Variants in ERO1A observed in about 807,000 individuals in gnomAD.
The protein encoded by ERO1A is ERO1-like protein alpha.
ERO1A carries 49 observed loss-of-function variants against 76.9 expected under a neutral mutation model. The observed-to-expected ratio is 0.64, with a 90% CI of 0.51 to 0.81. The LOEUF is 0.81. Ranked by LOEUF, ERO1A falls within the 30% of genes least tolerant of loss-of-function variation. The pLI is 0.00. For missense variants in ERO1A, 448 were observed against 542.1 expected (o/e 0.83, Z 1.72); for synonymous variants, 174 against 181.2 (o/e 0.96, Z 0.32).
chr14:52,643,863 T>G (rs1485656043), intron 15 of ERO1A, among the ~76,000 whole-genome samples: 1 of 152,180 alleles, frequency 6.6e-6, no homozygotes, highest in Non-Finnish European at 1.5e-5. Context: ...ATATGCCAGG[T>G]GCAGTGATTC....
intron 2 of ERO1A, 89 bp from the exon 3 acceptor site, chr14:52,682,497 C>A: frequency 1.0e-6 from 1 of 970,684 alleles, no homozygotes; most frequent in Non-Finnish European, 1.6e-6. Context: ...ATAACTTGGT[C>A]ATGTTATCAG....
In ERO1A at chr14:52,671,714, A is replaced by C; in HGVS notation, c.435-11T>G. ...TTCTGTGTTTCCTCACTTCAAACAA[A>C]GAAAAAAAATAACATTATTATTTTT... On this transcript the variant is annotated splice_polypyrimidine_tract_variant and intron_variant, in intron 5 of 15. Transcript: ENST00000395686. The C allele has an allele frequency of 6.3e-7, 1 of 1,595,122 alleles. No individual in the cohort carries two copies. Among genetic ancestry groups the C allele is most frequent in the Non-Finnish European group, 8.5e-7 (1 of 1,170,100 alleles).
At chr14:52,688,642 A>G (rs1001777679) in intron 1 of ERO1A, among the ~76,000 whole-genome samples, 2 of 152,236 alleles carry the variant, frequency 1.3e-5, no homozygotes, top group Admixed American at 1.3e-4. Context: ...CCGAATTTGC[A>G]GCTAAAATTT....
intron 1 of ERO1A, among the ~76,000 whole-genome samples, chr14:52,689,795 T>C (rs2041295893): frequency 6.6e-6 from 1 of 152,106 alleles, no homozygotes; most frequent in South Asian, 2.1e-4. Flanking sequence ...TTGTAAAATT[T>C]GGATGGAACA....
intron 11 of ERO1A, among the ~76,000 whole-genome samples, chr14:52,653,965 T>C (rs1233727592): frequency 6.6e-6 from 1 of 151,934 alleles, no homozygotes; most frequent in African/African-American, 2.4e-5. Flanking sequence ...AATTATAGAG[T>C]AAGTGTGTTT....
At chr14:52,659,629 GGCACAGA>G (rs1408164929) in intron 9 of ERO1A, among the ~76,000 whole-genome samples, 2 of 151,928 alleles carry the variant, frequency 1.3e-5, no homozygotes, top group African/African-American at 4.8e-5. Flanking sequence ...AAAAGTGCCT[GGCACAGA>G]GTTATTATTA....
intron 15 of ERO1A, among the ~76,000 whole-genome samples, chr14:52,644,840 T>A (rs999902847): frequency 6.6e-6 from 1 of 152,096 alleles, no homozygotes; most frequent in Non-Finnish European, 1.5e-5. Flanking sequence ...AACAGAATAA[T>A]CAATGAAATA....
intron 11 of ERO1A, among the ~76,000 whole-genome samples, chr14:52,654,688 A>G (rs1254992140): frequency 6.6e-6 from 1 of 152,224 alleles, no homozygotes; most frequent in Non-Finnish European, 1.5e-5. Flanking sequence ...TCATGTGGAG[A>G]TAACATTTTT....
intron 13 of ERO1A, among the ~76,000 whole-genome samples, chr14:52,647,605 T>G (rs946770644): frequency 6.6e-6 from 1 of 152,080 alleles, no homozygotes; most frequent in Non-Finnish European, 1.5e-5. Context: ...CCTAGAATAT[T>G]ATATCATTTA....
intron 1 of ERO1A, among the ~76,000 whole-genome samples, chr14:52,689,248 C>A (rs1422506178): frequency 6.6e-6 from 1 of 152,224 alleles, no homozygotes; most frequent in African/African-American, 2.4e-5. Context: ...GCCACTGCGC[C>A]CGGCCCTCAT....
At chr14:52,667,440 G>C (rs980405713) in intron 6 of ERO1A, among the ~76,000 whole-genome samples, 2 of 152,028 alleles carry the variant, frequency 1.3e-5, no homozygotes, top group African/African-American at 4.8e-5. Context: ...CGGTCCCAGG[G>C]TGGGCACGAT....
intron 1 of ERO1A, among the ~76,000 whole-genome samples, chr14:52,689,775 G>T (rs543510557): frequency 6.6e-6 from 1 of 151,704 alleles, no homozygotes; most frequent in East Asian, 1.9e-4. Context: ...CACAAAAATA[G>T]AAAAAAAAAT....
In ERO1A at chr14:52,642,997, T is replaced by C. The variant is rs1037869374; in HGVS notation, c.*573A>G. The C allele has an allele frequency of 6.6e-6, 1 of 152,578 alleles. No homozygotes were observed. Among genetic ancestry groups the C allele is most frequent in the African/African-American group, 2.4e-5 (1 of 41,466 alleles). 9.5% of individuals were successfully genotyped at this position (152,578 alleles called of 1,614,324 possible). On this transcript the variant is annotated 3_prime_UTR_variant, in exon 16 of 16. Coordinates refer to ENST00000395686, the MANE Select transcript of ERO1A (RefSeq NM_014584.3). ...ATAAAATACAAGACTCCCAGTTAAA[T>C]TTGAATTTCAAACAAATAATTTTTT...
At chr14:52,649,496 T>TA (rs1171787739) in intron 13 of ERO1A, among the ~76,000 whole-genome samples, 3 of 152,314 alleles carry the variant, frequency 2.0e-5, no homozygotes, top group Non-Finnish European at 4.4e-5. Flanking sequence ...AAAATTCTGT[T>TA]ACATCAAGAC....
chr14:52,681,487 C>T (rs2040992522), intron 3 of ERO1A, among the ~76,000 whole-genome samples: 1 of 152,030 alleles, frequency 6.6e-6, no homozygotes, highest in Admixed American at 6.6e-5. Flanking sequence ...CCTGTAATCC[C>T]AGCTACTTGG....
At chr14:52,684,117 T>TCACACACA (rs2041093341) in intron 1 of ERO1A, among the ~76,000 whole-genome samples, 2 of 78,134 alleles carry the variant, frequency 2.6e-5, no homozygotes, top group Admixed American at 1.5e-4. Flanking sequence ...GCAGAGCTCA[T>TCACACACA]GACACACACA....
intron 9 of ERO1A, among the ~76,000 whole-genome samples, chr14:52,660,545 G>T (rs1162669352): frequency 6.6e-6 from 1 of 152,132 alleles, no homozygotes; most frequent in Non-Finnish European, 1.5e-5. Context: ...TTATTTAGCT[G>T]CTACAGTTAA....
intron 1 of ERO1A, among the ~76,000 whole-genome samples, chr14:52,692,071 C>T (rs1439558652): frequency 2.0e-5 from 3 of 152,156 alleles, no homozygotes; most frequent in Non-Finnish European, 2.9e-5. Flanking sequence ...AAGATCAGTT[C>T]CAGAAAACAT....
At chr14:52,670,039 C>T (rs976264759) in intron 6 of ERO1A, among the ~76,000 whole-genome samples, 5 of 152,104 alleles carry the variant, frequency 3.3e-5, no homozygotes, top group African/African-American at 1.2e-4. Flanking sequence ...TCCCACTCCC[C>T]GAGTAGCTGG....
Sources: allele counts gnomAD v4.1 joint callset (sites outside exome capture counted in the v4.1 genomes callset), GRCh38; gene constraint gnomAD v4.1.1; transcripts MANE v1.5; gene names NCBI Gene and HGNC (gene_info 2026-07-23, HGNC 2026-07-21).